Variants in ACOX1 observed in about 807,000 individuals in gnomAD.
ACOX1 encodes peroxisomal acyl-coenzyme A oxidase 1.
A neutral mutation model predicts 75.5 loss-of-function variants in ACOX1; 41 were observed. The ratio of observed to expected loss-of-function variants is 0.54; its 90% CI spans 0.42 to 0.70. The LOEUF is 0.70. Ranked by LOEUF, ACOX1 falls within the 30% of genes least tolerant of loss-of-function variation. The probability of loss-of-function intolerance (pLI) is 0.00; values close to 1 mark genes in which losing one functional copy is unlikely to be tolerated. For missense variants in ACOX1, 630 were observed against 837.5 expected (o/e 0.75, Z 3.06); for synonymous variants, 303 against 298.8 (o/e 1.01, Z -0.15).
intron 2 of ACOX1, among the ~76,000 whole-genome samples, chr17:75,976,816 C>T (rs2066054372): frequency 6.6e-6 from 1 of 151,978 alleles, no homozygotes; most frequent in African/African-American, 2.4e-5. Context: ...TGGTTCTAGT[C>T]TATACACCAC....
chr17:75,961,361 T>A (rs1321760559), intron 2 of ACOX1, among the ~76,000 whole-genome samples: 1 of 149,116 alleles, frequency 6.7e-6, no homozygotes, highest in Non-Finnish European at 1.5e-5. Flanking sequence ...GGCTCATGCC[T>A]GTAATCCTAG....
intron 12 of ACOX1, 33 bp from the exon 13 acceptor site, chr17:75,948,490 A>G: frequency 6.6e-7 from 1 of 1,519,240 alleles, no homozygotes; most frequent in South Asian, 1.1e-5. Context: ...AATAAAACAT[A>G]TATATGTATA....
intron 2 of ACOX1, among the ~76,000 whole-genome samples, chr17:75,971,814 C>T (rs1418196519): frequency 6.6e-6 from 1 of 151,900 alleles, no homozygotes; most frequent in Admixed American, 6.6e-5. Flanking sequence ...AAGCATTAGA[C>T]CAACAAGAGG....
At chr17:75,954,014 C>G (rs1045216000) in intron 6 of ACOX1, among the ~76,000 whole-genome samples, 2 of 151,962 alleles carry the variant, frequency 1.3e-5, no homozygotes, top group South Asian at 2.1e-4. Flanking sequence ...GTCAGGAATT[C>G]GAGACCAGCC....
chr17:75,949,615 A>G lies in ACOX1; in HGVS notation c.1479-15T>C, dbSNP rs758656332. Reference sequence around the variant, plus strand: ...TTTCTACTAATCTGTTAAGACATAGATTGGAGGTCTGAGGAAATGATCAAC... The same window carrying G: ...TTTCTACTAATCTGTTAAGACATAGGTTGGAGGTCTGAGGAAATGATCAAC... On this transcript the variant is annotated splice_polypyrimidine_tract_variant and intron_variant, in intron 10 of 13. Coordinates refer to ENST00000293217, the MANE Select transcript of ACOX1 (RefSeq NM_004035.7). The G allele has an allele frequency of 6.2e-7, 1 of 1,613,868 alleles. No homozygotes were observed. Among genetic ancestry groups the G allele is most frequent in the Non-Finnish European group, 8.5e-7 (1 of 1,179,754 alleles).
At chr17:75,958,391 A>G (rs1220577245) in intron 3 of ACOX1, among the ~76,000 whole-genome samples, 33 of 131,824 alleles carry the variant, frequency 2.5e-4, no homozygotes, top group African/African-American at 9.6e-4. Flanking sequence ...GAAAAAGGCC[A>G]GGCACAGTGG....
intron 2 of ACOX1, among the ~76,000 whole-genome samples, chr17:75,962,381 G>A (rs2065895639): frequency 6.6e-6 from 1 of 152,162 alleles, no homozygotes; most frequent in Non-Finnish European, 1.5e-5. Flanking sequence ...GATTCTGTGT[G>A]AATTTTTGCT....
At position 75,978,516 on chromosome 17, in the gene ACOX1, G is replaced by A. The variant is rs763026404; in HGVS notation, c.269+18C>T. The A allele has an allele frequency of 4.3e-6, 7 of 1,614,034 alleles. No individual in the cohort carries two copies. The highest frequency in any genetic ancestry group is 5.9e-6 in the Non-Finnish European group (7 of 1,180,014). Reference sequence around the variant, plus strand: ...GTTTAGGCTTAACAACACTTGCTCTGTTCTAAGGCATACCTACTTTTTAAA... The same window carrying A: ...GTTTAGGCTTAACAACACTTGCTCTATTCTAAGGCATACCTACTTTTTAAA... On this transcript the variant is annotated intron_variant, in intron 2 of 13. Coordinates refer to ENST00000293217, the MANE Select transcript of ACOX1 (RefSeq NM_004035.7). The surrounding 1 kb of genome is among the most constrained non-coding windows in gnomAD (Gnocchi z 4.2).
intron 2 of ACOX1, among the ~76,000 whole-genome samples, chr17:75,974,531 CT>C (rs1287418031): frequency 1.3e-5 from 2 of 152,186 alleles, no homozygotes; most frequent in African/African-American, 2.4e-5. Flanking sequence ...CAATTTTGTA[CT>C]TTGACAAAGC....
At chr17:75,952,386 C>T (rs1207309047) in intron 7 of ACOX1, among the ~76,000 whole-genome samples, 1 of 151,660 alleles carries the variant, frequency 6.6e-6, no homozygotes, top group Non-Finnish European at 1.5e-5. Context: ...CCTCCACTTC[C>T]TGGGTTCAAG....
At chr17:75,966,664 G>T (rs999081111) in intron 2 of ACOX1, among the ~76,000 whole-genome samples, 1 of 151,840 alleles carries the variant, frequency 6.6e-6, no homozygotes, top group Non-Finnish European at 1.5e-5. Context: ...TTAGCTGGGC[G>T]TGGTGGCAGG....
intron 2 of ACOX1, among the ~76,000 whole-genome samples, chr17:75,976,398 A>C (rs1326115053): frequency 6.6e-6 from 1 of 152,066 alleles, no homozygotes. Flanking sequence ...GCACTGCACC[A>C]CCCATTCAAA....
In ACOX1 at chr17:75,942,938, A is replaced by T. The variant is rs999093066; in HGVS notation, c.*3810T>A. 2 of 152,192 alleles carry T rather than the reference A, an allele frequency of 1.3e-5. No homozygotes were observed. Among genetic ancestry groups the T allele is most frequent in the Non-Finnish European group, 2.9e-5 (2 of 68,060 alleles). The allele number at this position is 152,192 out of a possible 1,614,324, so 9.4% of individuals were successfully genotyped here. A position where few individuals can be genotyped will look rare whatever the true frequency, so the allele number is the denominator to read the frequency against. On this transcript the variant is annotated 3_prime_UTR_variant, in exon 14 of 14. Transcript: ENST00000293217. ...CTGCAGTGAAGAAAATCCAAGAATT[A>T]AGATGTAACATGTTGGCTGGGTGAG... is the stretch of plus-strand genomic sequence containing the variant.
At position 75,955,950 on chromosome 17, in the gene ACOX1, G is replaced by A. The variant is rs2065820818; in HGVS notation, c.539-3C>T. The A allele has an allele frequency of 2.6e-6, 4 of 1,562,854 alleles. No individual in the cohort carries two copies. The highest frequency in any genetic ancestry group is 1.4e-5 in the African/African-American group (1 of 73,618). ...TGCATGATTTGAAGTCTTTCCAACT[G>A]TAATATCAAAGAGAACAAGGGAGGG... On this transcript the variant is annotated splice_region_variant and splice_polypyrimidine_tract_variant and intron_variant, in intron 4 of 13. Transcript: ENST00000293217.
intron 2 of ACOX1, among the ~76,000 whole-genome samples, chr17:75,970,689 G>A (rs888794560): frequency 3.3e-5 from 5 of 152,190 alleles, no homozygotes; most frequent in African/African-American, 7.2e-5. Flanking sequence ...CTGTGAGACC[G>A]CGTTAGATAA....
chr17:75,973,522 TAGA>T, intron 2 of ACOX1: 1 of 1,255,918 alleles, frequency 8.0e-7, no homozygotes, highest in Non-Finnish European at 1.2e-6. Context: ...AACTTAAAAA[TAGA>T]ATCCCAAACA....
At chr17:75,951,080 A>T (rs1244415049) in intron 8 of ACOX1, 116 bp from the exon 9 acceptor site, 8 of 1,085,276 alleles carry the variant, frequency 7.4e-6, no homozygotes, top group Non-Finnish European at 1.1e-5. Flanking sequence ...CAGCTGCCAC[A>T]CATGCAAACT....
In ACOX1 at chr17:75,953,439, C is replaced by T. The variant is rs1220472622; in HGVS notation, c.944+12G>A. 2 of 1,613,104 alleles carry T rather than the reference C, an allele frequency of 1.2e-6. No individual in the cohort carries two copies. Among genetic ancestry groups the T allele is most frequent in the Non-Finnish European group, 1.7e-6 (2 of 1,179,556 alleles). Reference sequence around the variant, plus strand: ...CCTTTGGTACTGAGCCCATCTAGGACCCTATCCTTACCCTGGCTTGATTTC... The same window carrying T: ...CCTTTGGTACTGAGCCCATCTAGGATCCTATCCTTACCCTGGCTTGATTTC... On this transcript the variant is annotated intron_variant, in intron 7 of 13. Transcript: ENST00000293217.
rs886053456 is a variant in ACOX1 at position 75,948,320 on chromosome 17, G to T, written c.1866C>A (p.Gly622=). Residue 622 remains glycine, a synonymous_variant, in exon 13 of 14, where the codon GGC becomes GGA. Transcript: ENST00000293217. ...FQDVTLGSVL[G]RYDGNVYENL... ...TTTCATACACATTCCCATCATAGCG[G>T]CCAAGCACAGAGCCAAGTGTCACAT... The T allele has an allele frequency of 6.2e-7, 1 of 1,614,044 alleles. No homozygotes were observed.
Sources: allele counts gnomAD v4.1 joint callset (sites outside exome capture counted in the v4.1 genomes callset), GRCh38; gene constraint gnomAD v4.1.1; non-coding constraint Gnocchi (gnomAD v3.1); transcripts MANE v1.5; gene names NCBI Gene and HGNC (gene_info 2026-07-23, HGNC 2026-07-21).